The following TSPAN14 variants were observed in gnomAD, a reference collection of about 807,000 sequenced individuals.
TSPAN14 encodes the protein tetraspanin-14.
Under a neutral mutation model 36.6 loss-of-function variants are expected in TSPAN14, and 16 were observed. That is an observed-to-expected ratio of 0.44 (90% CI 0.30 to 0.66). The LOEUF is 0.66. Ranked by LOEUF, TSPAN14 falls within the 30% of genes least tolerant of loss-of-function variation. The pLI, the probability that TSPAN14 is intolerant of heterozygous loss-of-function variation, is 0.12. For synonymous variants in TSPAN14, 139 were observed against 143.8 expected (o/e 0.97, Z 0.24); for missense variants, 231 against 355.1 (o/e 0.65, Z 2.81).
Position 80,478,640 on chromosome 10 carries a change from C to T in TSPAN14, c.-17-10577C>T, listed in dbSNP as rs546227241. ...CAGAGATCAGAAATCTGAGTGGTTT[C>T]GGGCTTCTCAATACATCTGAATATA... is the stretch of plus-strand genomic sequence containing the variant. On this transcript the variant is annotated intron_variant, in intron 1 of 8. Coordinates refer to ENST00000429989, the Ensembl canonical transcript of TSPAN14. 2.8e-4 allele frequency among the ~76,000 whole-genome samples: 42 copies of T among 152,268 alleles called. No homozygotes were observed. The South Asian group carries it at 7.3e-3, about 26-fold the overall frequency.
intron 1 of TSPAN14, among the ~76,000 whole-genome samples, chr10:80,456,944 C>T (rs1057011651): frequency 4.6e-5 from 7 of 152,098 alleles, no homozygotes; most frequent in African/African-American, 1.4e-4. Context: ...TGCCTATAAT[C>T]CCAGCTACTT....
intron 5 of TSPAN14, 144 bp from the exon 6 acceptor site, chr10:80,512,000 A>G (rs1840680150): frequency 6.1e-6 from 8 of 1,303,288 alleles, no homozygotes; most frequent in Non-Finnish European, 8.5e-6. Flanking sequence ...ATCTCTGCAC[A>G]TGGGAGGTAG....
intron 1 of TSPAN14, among the ~76,000 whole-genome samples, chr10:80,462,090 T>G (rs1846003717): frequency 7.0e-6 from 1 of 141,890 alleles, no homozygotes; most frequent in Non-Finnish European, 1.6e-5. Context: ...ATTTAAAGAA[T>G]TTTTTGTAGA....
At chr10:80,472,103 A>G (rs1340344480) in intron 1 of TSPAN14, among the ~76,000 whole-genome samples, 3 of 151,996 alleles carry the variant, frequency 2.0e-5, no homozygotes, top group Non-Finnish European at 4.4e-5. Flanking sequence ...GTGCCACTGC[A>G]CTCCAGCCTG....
intron 2 of TSPAN14, among the ~76,000 whole-genome samples, chr10:80,492,793 G>T (rs1261228429): frequency 1.3e-5 from 2 of 151,942 alleles, no homozygotes; most frequent in Non-Finnish European, 2.9e-5. Context: ...TCCAGCCTGG[G>T]CGACAGAGCG....
At chr10:80,478,575 T>A (rs1040536830) in intron 1 of TSPAN14, among the ~76,000 whole-genome samples, 9 of 152,292 alleles carry the variant, frequency 5.9e-5, no homozygotes, top group African/African-American at 2.2e-4. Context: ...AAGAAGGGGA[T>A]GATGCTACAA....
At position 80,472,398 on chromosome 10, in the gene TSPAN14, A is replaced by G. The variant is rs189720649; in HGVS notation, c.-17-16819A>G. On this transcript the variant is annotated intron_variant, in intron 1 of 8. Transcript: ENST00000429989. ...GAGGCACATGATGTGGGTCTGAGTC[A>G]TTACCGGTGATATTGACAATGATCG... 1.3e-3 allele frequency among the ~76,000 whole-genome samples: 196 copies of G among 152,274 alleles called. 1 individual carries two copies. Among genetic ancestry groups the G allele is most frequent in the African/African-American group, 4.5e-3 (187 of 41,562 alleles).
At chr10:80,511,748 CT>C (rs1233811644) in intron 5 of TSPAN14, among the ~76,000 whole-genome samples, 28 of 143,536 alleles carry the variant, frequency 2.0e-4, no homozygotes, top group African/African-American at 6.3e-4. Flanking sequence ...CTCTCTCTCT[CT>C]CTCTCTCTCT....
rs41308687 is a variant in TSPAN14 at position 80,489,070 on chromosome 10, T to A, written c.-17-147T>A. 0.01 allele frequency: 6,169 copies of A among 590,602 alleles called. 51 individuals carry two copies. The highest frequency in any genetic ancestry group is 0.015 in the Non-Finnish European group (4,910 of 328,668). The allele number at this position is 590,602 out of a possible 1,614,324, so 36.6% of individuals were successfully genotyped here. A position where few individuals can be genotyped will look rare whatever the true frequency, so the allele number is the denominator to read the frequency against. On this transcript the variant is annotated intron_variant, in intron 1 of 8. Transcript: ENST00000429989. ...ACCTGAGTTTTGCATTACCTATACC[T>A]GGCCTTGGTATCAGGCCTCTGCTTG...
intron 2 of TSPAN14, among the ~76,000 whole-genome samples, chr10:80,493,074 G>A (rs954663835): frequency 6.6e-6 from 1 of 152,160 alleles, no homozygotes; most frequent in Non-Finnish European, 1.5e-5. Flanking sequence ...ATGCTTCCAT[G>A]CAACATGGCT....
intron 4 of TSPAN14, among the ~76,000 whole-genome samples, chr10:80,508,488 T>C (rs918797509): frequency 2.6e-5 from 4 of 152,142 alleles, no homozygotes; most frequent in Non-Finnish European, 4.4e-5. Context: ...CTTAGTGTCT[T>C]ATATGGCCAG....
intron 1 of TSPAN14, among the ~76,000 whole-genome samples, chr10:80,456,265 G>T (rs912279153): frequency 4.6e-5 from 7 of 152,164 alleles, no homozygotes; most frequent in Non-Finnish European, 7.3e-5. Flanking sequence ...TGTGGGGGGG[G>T]TCTGAGCCCA....
chr10:80,512,016 G>C (rs1025686456), intron 5 of TSPAN14, 128 bp from the exon 6 acceptor site: 1 of 1,430,338 alleles, frequency 7.0e-7, no homozygotes, highest in East Asian at 2.3e-5. Flanking sequence ...GGTAGGGGGC[G>C]GGCCTTGATT....
rs529143532 is a variant in TSPAN14 at position 80,485,126 on chromosome 10, C to T, written c.-17-4091C>T. Among the ~76,000 whole-genome samples the T allele has an allele frequency of 5.9e-5, 9 of 152,258 alleles. No individual in the cohort carries two copies. The East Asian group carries it at 9.6e-4, about 16-fold the overall frequency. Reference sequence around the variant, plus strand: ...CAAAATAGCTTTTGGAGATTCTTCTCTGCTGGAATGGTACCTAACATTTGT... The same window carrying T: ...CAAAATAGCTTTTGGAGATTCTTCTTTGCTGGAATGGTACCTAACATTTGT... On this transcript the variant is annotated intron_variant, in intron 1 of 8. Coordinates refer to ENST00000429989, the Ensembl canonical transcript of TSPAN14.
chr10:80,470,143 T>A (rs1018657769), intron 1 of TSPAN14, among the ~76,000 whole-genome samples: 1 of 152,216 alleles, frequency 6.6e-6, no homozygotes, highest in African/African-American at 2.4e-5. Flanking sequence ...TGGAGAGCAA[T>A]GGTGCGTTCT....
chr10:80,464,667 T>G (rs1846147496), intron 1 of TSPAN14, among the ~76,000 whole-genome samples: 1 of 152,128 alleles, frequency 6.6e-6, no homozygotes, highest in African/African-American at 2.4e-5. Flanking sequence ...GCAGTCCCCG[T>G]GAGAAGGCCA....
intron 1 of TSPAN14, among the ~76,000 whole-genome samples, chr10:80,484,623 G>T (rs937935899): frequency 2.0e-5 from 3 of 152,144 alleles, no homozygotes; most frequent in African/African-American, 7.2e-5. Flanking sequence ...TACAACGGGG[G>T]TCTTTTTGAA....
At chr10:80,489,677 G>A (rs1847819371) in intron 2 of TSPAN14, among the ~76,000 whole-genome samples, 1 of 152,244 alleles carries the variant, frequency 6.6e-6, no homozygotes, top group Admixed American at 6.5e-5. Flanking sequence ...GCCAGGCCCT[G>A]TTTTAGGTTC....
intron 1 of TSPAN14, among the ~76,000 whole-genome samples, chr10:80,465,358 C>T (rs918106885): frequency 6.6e-6 from 1 of 152,194 alleles, no homozygotes; most frequent in African/African-American, 2.4e-5. Flanking sequence ...CCTGCAGCCA[C>T]CCCCGCTGCA....
Sources: allele counts gnomAD v4.1 joint callset (sites outside exome capture counted in the v4.1 genomes callset), GRCh38; gene constraint gnomAD v4.1.1; transcripts MANE v1.5; gene names NCBI Gene and HGNC (gene_info 2026-07-23, HGNC 2026-07-21).